The following MAN2A1 variants were observed in gnomAD, a reference collection of about 807,000 sequenced individuals.
MAN2A1 encodes alpha-mannosidase 2.
Under a neutral mutation model 142.6 loss-of-function variants are expected in MAN2A1, and 76 were observed. That is an observed-to-expected ratio of 0.53 (90% CI 0.44 to 0.65). The LOEUF is 0.65. MAN2A1 is among the 30% of genes least tolerant of loss of function. The pLI is 0.00. For synonymous variants in MAN2A1, 559 were observed against 473.2 expected (o/e 1.18, Z -2.35); for missense variants, 1,311 against 1,365.1 (o/e 0.96, Z 0.62).
At chr5:109,700,169 T>C (rs1039155582) in intron 1 of MAN2A1, among the ~76,000 whole-genome samples, 3 of 152,210 alleles carry the variant, frequency 2.0e-5, no homozygotes, top group Non-Finnish European at 2.9e-5. Context: ...ATAGAAGTTA[T>C]TGATTCCTGT....
At chr5:109,840,146 T>C (rs1755163257) in intron 16 of MAN2A1, 2 of 189,356 alleles carry the variant, frequency 1.1e-5, no homozygotes, top group Non-Finnish European at 2.2e-5. Flanking sequence ...CAGTTTCTTC[T>C]CAAGGTGCTG....
chr5:109,772,422 G>C (rs1219059208), intron 7 of MAN2A1, among the ~76,000 whole-genome samples: 1 of 152,124 alleles, frequency 6.6e-6, no homozygotes, highest in East Asian at 1.9e-4. Context: ...TAACTCTACT[G>C]GTTACCTCAG....
At chr5:109,782,529 A>G (rs1221429756) in intron 9 of MAN2A1, among the ~76,000 whole-genome samples, 1 of 152,178 alleles carries the variant, frequency 6.6e-6, no homozygotes, top group African/African-American at 2.4e-5. Context: ...TAGACCAGTA[A>G]AGTAATTCAT....
chr5:109,847,675 T>C lies in MAN2A1; in HGVS notation c.2861T>C (p.Met954Thr), dbSNP rs1755376870. Residue 954 changes from methionine (M) to threonine (T), a missense_variant, in exon 19 of 22, where the codon ATG becomes ACG. Around this residue, in one of 3 missense-constraint regions of MAN2A1, gnomAD observed 890 missense variants for 920.5 expected, o/e 0.97. Coordinates refer to ENST00000261483, the MANE Select transcript of MAN2A1 (RefSeq NM_002372.4). ...SLNSGQIEVI[M>T]DRRLMQDDNR... ...GTGTTAGGTCAGATTGAAGTTATCA[T>C]GGATCGAAGACTCATGCAAGATGAT... is the stretch of plus-strand genomic sequence containing the variant. 2 of 1,569,790 alleles carry C rather than the reference T, an allele frequency of 1.3e-6. No individual in the cohort carries two copies. The highest frequency in any genetic ancestry group is 1.7e-6 in the Non-Finnish European group (2 of 1,158,588).
At chr5:109,783,775 A>C (rs1753523199) in intron 9 of MAN2A1, among the ~76,000 whole-genome samples, 4 of 142,488 alleles carry the variant, frequency 2.8e-5, no homozygotes, top group Admixed American at 2.1e-4. Flanking sequence ...ATCTTGAGCC[A>C]TATCCTCTGA....
At chr5:109,691,520 C>A (rs566015937) in intron 1 of MAN2A1, among the ~76,000 whole-genome samples, 17 of 152,246 alleles carry the variant, frequency 1.1e-4, no homozygotes, top group African/African-American at 4.1e-4. Flanking sequence ...GAAGCCTAGA[C>A]GTGAAGTTGA....
At chr5:109,705,390 C>G (rs1751101630) in intron 1 of MAN2A1, among the ~76,000 whole-genome samples, 1 of 152,142 alleles carries the variant, frequency 6.6e-6, no homozygotes, top group Non-Finnish European at 1.5e-5. Context: ...CTTTTCTTAA[C>G]TCCTTTATTC....
chr5:109,820,900 G>A (rs868341861), intron 15 of MAN2A1, among the ~76,000 whole-genome samples: 10 of 152,318 alleles, frequency 6.6e-5, no homozygotes, highest in Middle Eastern at 3.4e-3. Context: ...TAGATTTTAC[G>A]TAGAGTTAGG....
chr5:109,832,641 A>G (rs1449742450), intron 16 of MAN2A1, among the ~76,000 whole-genome samples: 2 of 152,120 alleles, frequency 1.3e-5, no homozygotes, highest in South Asian at 2.1e-4. Context: ...CTTCCACTCG[A>G]CAAAACCGCC....
intron 8 of MAN2A1, among the ~76,000 whole-genome samples, chr5:109,775,981 T>C (rs1474948621): frequency 6.6e-6 from 1 of 152,056 alleles, no homozygotes. Context: ...ATGCGGAGAA[T>C]GTATAATGAT....
At position 109,776,798 on chromosome 5, in the gene MAN2A1, A is replaced by G. The variant is rs572359288; in HGVS notation, c.1374+1833A>G. ...AACCACTACTTTCACATCTGTCACC[A>G]TGATTACTGTTGCCTGTTCTTGAAT... On this transcript the variant is annotated intron_variant, in intron 8 of 21. Transcript: ENST00000261483. Among the ~76,000 whole-genome samples, 3 of 152,268 alleles carry G rather than the reference A, an allele frequency of 2.0e-5. No individual in the cohort carries two copies. In the East Asian group the frequency reaches 5.8e-4, roughly 29 times the overall value.
At chr5:109,747,646 T>G (rs899921227) in intron 4 of MAN2A1, among the ~76,000 whole-genome samples, 2 of 152,212 alleles carry the variant, frequency 1.3e-5, no homozygotes, top group Non-Finnish European at 2.9e-5. Context: ...AACATTTAGC[T>G]GTATGATTTT....
chr5:109,781,723 C>T, intron 9 of MAN2A1, 125 bp downstream of exon 9: 1 of 499,698 alleles, frequency 2.0e-6, no homozygotes. Context: ...TCTAATTAAG[C>T]ACTTAGTGTA....
At chr5:109,701,998 C>G (rs1389349658) in intron 1 of MAN2A1, among the ~76,000 whole-genome samples, 1 of 152,178 alleles carries the variant, frequency 6.6e-6, no homozygotes, top group East Asian at 1.9e-4. Flanking sequence ...TGGTAGTCAT[C>G]AGCATAGCCG....
chr5:109,865,724 G>A (rs560308278), intron 21 of MAN2A1, among the ~76,000 whole-genome samples: 2 of 152,330 alleles, frequency 1.3e-5, no homozygotes, highest in African/African-American at 2.4e-5. Flanking sequence ...AACACACCGT[G>A]CAGGCCAAAC....
chr5:109,852,338 T>G (rs543565101), intron 19 of MAN2A1, among the ~76,000 whole-genome samples: 1 of 152,254 alleles, frequency 6.6e-6, no homozygotes, highest in East Asian at 1.9e-4. Flanking sequence ...TTTCATTTAT[T>G]TATATTGCAT....
At position 109,855,129 on chromosome 5, in the gene MAN2A1, T is replaced by C; in HGVS notation, c.2977-11T>C. 1 of 1,511,280 alleles carries C rather than the reference T, an allele frequency of 6.6e-7. No homozygotes were observed. The highest frequency in any genetic ancestry group is 8.8e-7 in the Non-Finnish European group (1 of 1,135,590). The allele number at this position is 1,511,280 out of a possible 1,614,324, so 93.6% of individuals were successfully genotyped here. ...ATAGACCTCTTAAACATTTTTGTTT[T>C]TTCTTGATAGGAAGAAGAAAAGAAG... is the stretch of plus-strand genomic sequence containing the variant. On this transcript the variant is annotated splice_polypyrimidine_tract_variant and intron_variant, in intron 19 of 21. Coordinates refer to ENST00000261483, the MANE Select transcript of MAN2A1 (RefSeq NM_002372.4).
intron 16 of MAN2A1, among the ~76,000 whole-genome samples, chr5:109,827,094 T>C (rs1202060066): frequency 6.6e-6 from 1 of 152,246 alleles, no homozygotes; most frequent in Non-Finnish European, 1.5e-5. Flanking sequence ...TGCATGAGTA[T>C]TAATGAATAG....
At chr5:109,852,977 T>A (rs1242668678) in intron 19 of MAN2A1, among the ~76,000 whole-genome samples, 1 of 152,160 alleles carries the variant, frequency 6.6e-6, no homozygotes, top group Non-Finnish European at 1.5e-5. Flanking sequence ...CAGTGTTATT[T>A]TTTCATGGTG....
Sources: allele counts gnomAD v4.1 joint callset (sites outside exome capture counted in the v4.1 genomes callset), GRCh38; gene constraint gnomAD v4.1.1; regional missense constraint gnomAD v4.1.1; transcripts MANE v1.5; gene names NCBI Gene and HGNC (gene_info 2026-07-23, HGNC 2026-07-21).